SARAF: variants seen among roughly 807,000 people sequenced by gnomAD.
The protein encoded by SARAF is store-operated calcium entry-associated regulatory factor.
Under a neutral mutation model 39.7 loss-of-function variants are expected in SARAF, and 23 were observed. The observed-to-expected ratio is 0.58, with a 90% CI of 0.42 to 0.82. The LOEUF (loss-of-function observed/expected upper bound fraction) is 0.82, where lower values mean the gene tolerates loss of function less well. Ranked by LOEUF, SARAF falls within the 40% of genes least tolerant of loss-of-function variation. The pLI is 0.00. For synonymous variants in SARAF, 175 were observed against 168.5 expected, an observed-to-expected ratio of 1.04 and a Z score of -0.30; for missense variants, 384 against 418.5, an observed-to-expected ratio of 0.92 and a Z score of 0.72.
intron 1 of SARAF, among the ~76,000 whole-genome samples, chr8:30,074,368 T>C (rs1226335059): frequency 3.9e-5 from 6 of 152,190 alleles, no homozygotes; most frequent in South Asian, 2.1e-4. Context: ...GTAATAATAA[T>C]AGTGGTTAAT....
chr8:30,065,659 A>C, intron 5 of SARAF: 1 of 234,212 alleles, frequency 4.3e-6, no homozygotes, highest in Non-Finnish European at 8.6e-6. Flanking sequence ...ATGTTATTGA[A>C]TTTTAAGTTT....
Position 30,083,018 on chromosome 8 carries a change from C to A in SARAF, c.-69G>T. Reference sequence around the variant, plus strand: ...CCGAACCTGGGTGCGGTAGCGCGCGCGACGCTGCGCAGCTACACCGCTACC... The same window carrying A: ...CCGAACCTGGGTGCGGTAGCGCGCGAGACGCTGCGCAGCTACACCGCTACC... On this transcript the variant is annotated 5_prime_UTR_variant, in exon 1 of 6. Coordinates refer to ENST00000256255, the MANE Select transcript of SARAF (RefSeq NM_016127.6). 8.2e-7 allele frequency: 1 copy of A among 1,212,792 alleles called. No individual in the cohort carries two copies. 75.1% of individuals were successfully genotyped at this position (1,212,792 alleles called of 1,614,324 possible). A position where few individuals can be genotyped will look rare whatever the true frequency, so the allele number is the denominator to read the frequency against.
Position 30,083,006 on chromosome 8 carries a change from C to A in SARAF, c.-57G>T. The A allele has an allele frequency of 1.5e-6, 2 of 1,339,598 alleles. No homozygotes were observed. Among genetic ancestry groups the A allele is most frequent in the Admixed American group, 4.7e-5 (2 of 42,146 alleles). 83.0% of individuals were successfully genotyped at this position (1,339,598 alleles called of 1,614,324 possible). ...GACGCCTACGGGCCGAACCTGGGTG[C>A]GGTAGCGCGCGCGACGCTGCGCAGC... On this transcript the variant is annotated 5_prime_UTR_variant, in exon 1 of 6. Transcript: ENST00000256255.
At chr8:30,068,728 C>T (rs1296890151) in intron 3 of SARAF, among the ~76,000 whole-genome samples, 1 of 152,092 alleles carries the variant, frequency 6.6e-6, no homozygotes, top group African/African-American at 2.4e-5. Flanking sequence ...CTCAGATTTA[C>T]AGGAGTTCAT....
At chr8:30,066,724 C>G (rs1801700578) in intron 4 of SARAF, 53 bp downstream of exon 4, 3 of 1,573,144 alleles carry the variant, frequency 1.9e-6, no homozygotes, top group African/African-American at 2.7e-5. Flanking sequence ...AAATTGTAAG[C>G]AAAACAAGCC....
At chr8:30,081,356 CT>C (rs1443844308) in intron 1 of SARAF, among the ~76,000 whole-genome samples, 1 of 152,074 alleles carries the variant, frequency 6.6e-6, no homozygotes, top group African/African-American at 2.4e-5. Context: ...TGTAAACTTC[CT>C]TTATTAAATT....
At chr8:30,073,817 A>C in intron 2 of SARAF, 60 bp downstream of exon 2, 1 of 1,488,098 alleles carries the variant, frequency 6.7e-7, no homozygotes, top group Non-Finnish European at 9.3e-7. Flanking sequence ...ATAATGTCCC[A>C]ATAAACAATT....
intron 1 of SARAF, among the ~76,000 whole-genome samples, chr8:30,074,612 C>T (rs1801917202): frequency 6.6e-6 from 1 of 152,012 alleles, no homozygotes. Context: ...TTAAAAAAGG[C>T]AAAACAGTAC....
intron 5 of SARAF, among the ~76,000 whole-genome samples, chr8:30,064,724 A>C (rs557302315): frequency 7.9e-5 from 12 of 151,298 alleles, no homozygotes; most frequent in African/African-American, 2.7e-4. Flanking sequence ...CACTACACCC[A>C]GCTAATTTTT....
rs148547897 is a variant in SARAF, at chr8:30,070,423, T to C, written c.283-364A>G. On this transcript the variant is annotated intron_variant, in intron 2 of 5. Transcript: ENST00000256255. ...TCCGTCTCAAGAAAAAAAAAAATGTTACTTGGGCTATATATCCGTCATAAA... is the reference window on the plus strand; with the variant it reads ...TCCGTCTCAAGAAAAAAAAAAATGTCACTTGGGCTATATATCCGTCATAAA... 9.9e-5 allele frequency among the ~76,000 whole-genome samples: 15 copies of C among 152,106 alleles called. No individual in the cohort carries two copies. The East Asian group carries it at 2.9e-3, about 29-fold the overall frequency.
At chr8:30,067,515 C>T (rs561413092) in intron 3 of SARAF, among the ~76,000 whole-genome samples, 3 of 152,316 alleles carry the variant, frequency 2.0e-5, no homozygotes, top group African/African-American at 7.2e-5. Flanking sequence ...TTCTGGCACC[C>T]CAGAAGGCTC....
rs891861906 is a variant in SARAF, at chr8:30,082,709, C to G, written c.103+138G>C. On this transcript the variant is annotated intron_variant, in intron 1 of 5. Coordinates refer to ENST00000256255, the MANE Select transcript of SARAF (RefSeq NM_016127.6). ...GCAGTGGAACCAGGGAGAGCACGAA[C>G]AGCAAAGAGGTCAGACATGGGGAAT... 2.6e-5 allele frequency: 16 copies of G among 612,094 alleles called. No homozygotes were observed. In the South Asian group the frequency reaches 3.4e-4, roughly 13 times the overall value. 37.9% of individuals were successfully genotyped at this position (612,094 alleles called of 1,614,324 possible).
At chr8:30,078,491 G>A in intron 1 of SARAF, among the ~76,000 whole-genome samples, 1 of 152,082 alleles carries the variant, frequency 6.6e-6, no homozygotes, top group East Asian at 1.9e-4. Flanking sequence ...GAAAAGATAA[G>A]ACTTAGAAAA....
intron 2 of SARAF, among the ~76,000 whole-genome samples, chr8:30,072,891 T>A (rs555560354): frequency 1.2e-4 from 19 of 152,368 alleles, no homozygotes; most frequent in Admixed American, 3.3e-4. Context: ...TTACCTCTTC[T>A]ACTAGTAAGA....
At chr8:30,065,932 A>G (rs745601909) in intron 5 of SARAF, 56 bp downstream of exon 5, 3 of 1,578,402 alleles carry the variant, frequency 1.9e-6, no homozygotes, top group Non-Finnish European at 2.6e-6. Context: ...TAAAGTTCCC[A>G]AACTATTTCT....
In SARAF at chr8:30,069,723, A is replaced by C. The variant is rs765864366; in HGVS notation, c.619T>G (p.Tyr207Asp). 3 of 1,614,028 alleles carry C rather than the reference A, an allele frequency of 1.9e-6. No individual in the cohort carries two copies. Among genetic ancestry groups the C allele is most frequent in the African/African-American group, 2.7e-5 (2 of 74,914 alleles). Residue 207 changes from tyrosine (Y) to aspartate (D), a missense_variant, in exon 3 of 6, where the codon TAT becomes GAT. Tyr to Asp is a radical substitution (Grantham distance 160). Transcript: ENST00000256255. The part of the protein sequence containing the change: ...GQYSPPPYSE[Y>D]PPFSHRYQRF... ...TGGTAACGGTGGGAAAATGGAGGAT[A>C]CTCAGAGTACGGTGGAGGAGAATAC...
chr8:30,082,983 CG>C lies in SARAF; in HGVS notation c.-35del. On this transcript the variant is annotated 5_prime_UTR_variant, in exon 1 of 6. Coordinates refer to ENST00000256255, the MANE Select transcript of SARAF (RefSeq NM_016127.6). ...ATGAAGATGGCGCCGGGCTGCCAGACGCCTACGGGCCGAACCTGGGTGCGGT... is the reference window on the plus strand; with the variant it reads ...ATGAAGATGGCGCCGGGCTGCCAGACCCTACGGGCCGAACCTGGGTGCGGT... 1.3e-6 allele frequency: 2 copies of C among 1,504,224 alleles called. No individual in the cohort carries two copies. The highest frequency in any genetic ancestry group is 1.8e-6 in the Non-Finnish European group (2 of 1,115,382). The allele number at this position is 1,504,224 out of a possible 1,614,324, so 93.2% of individuals were successfully genotyped here.
At position 30,069,673 on chromosome 8, in the gene SARAF, A is replaced by T. The variant is rs149446013; in HGVS notation, c.669T>A (p.Pro223=). ...ACTCAGACTTAAAGCCTGGGGGAGG[A>T]GGTCCTGCTGAGTTGGTGAATCTCT... ...RYQRFTNSAG[P]PPPGFKSEFT... The change falls in exon 3 of 6, where the codon CCT becomes CCA. Residue 223 remains proline, a synonymous_variant. Coordinates refer to ENST00000256255, the MANE Select transcript of SARAF (RefSeq NM_016127.6). 18 of 1,614,080 alleles carry T rather than the reference A, an allele frequency of 1.1e-5. No homozygotes were observed. The highest frequency in any genetic ancestry group is 1.4e-5 in the Non-Finnish European group (17 of 1,180,004).
chr8:30,082,985 C>T lies in SARAF; in HGVS notation c.-36G>A, dbSNP rs947442842. 5.3e-6 allele frequency: 8 copies of T among 1,499,572 alleles called. No homozygotes were observed. Among genetic ancestry groups the T allele is most frequent in the Admixed American group, 2.1e-5 (1 of 48,652 alleles). 92.9% of individuals were successfully genotyped at this position (1,499,572 alleles called of 1,614,324 possible). A position where few individuals can be genotyped will look rare whatever the true frequency, so the allele number is the denominator to read the frequency against. ...GAAGATGGCGCCGGGCTGCCAGACG[C>T]CTACGGGCCGAACCTGGGTGCGGTA... On this transcript the variant is annotated 5_prime_UTR_variant, in exon 1 of 6. Coordinates refer to ENST00000256255, the MANE Select transcript of SARAF (RefSeq NM_016127.6).
Sources: allele counts gnomAD v4.1 joint callset (sites outside exome capture counted in the v4.1 genomes callset), GRCh38; gene constraint gnomAD v4.1.1; transcripts MANE v1.5; gene names NCBI Gene and HGNC (gene_info 2026-07-23, HGNC 2026-07-21).